EFHD2: variants seen among roughly 807,000 people sequenced by gnomAD.
EFHD2 encodes EF-hand domain family member D2, also known as EF-hand domain-containing protein D2.
In EFHD2, 12 loss-of-function variants were observed where a neutral mutation model predicts 20.3. That is an observed-to-expected ratio of 0.59 (90% CI 0.38 to 0.96). EFHD2 has a LOEUF of 0.96. Among genes scored for constraint, EFHD2 ranks in the 40% least tolerant of loss-of-function variants. The pLI, the probability that EFHD2 is intolerant of heterozygous loss-of-function variation, is 0.00. For synonymous variants in EFHD2, 131 were observed against 143.9 expected, an observed-to-expected ratio of 0.91 and a Z score of 0.64; for missense variants, 250 against 334.3, an observed-to-expected ratio of 0.75 and a Z score of 1.97.
chr1:15,424,992 G>A (rs1426356532), intron 1 of EFHD2, among the ~76,000 whole-genome samples: 3 of 152,124 alleles, frequency 2.0e-5, no homozygotes, highest in South Asian at 2.1e-4. Flanking sequence ...AACTCAGGAG[G>A]GATGCTACTA....
intron 1 of EFHD2, among the ~76,000 whole-genome samples, chr1:15,425,615 G>A (rs1426716007): frequency 6.6e-6 from 1 of 152,056 alleles, no homozygotes; most frequent in East Asian, 1.9e-4. Flanking sequence ...TTGTGCCTCA[G>A]GCTTGTCCAA....
intron 1 of EFHD2, among the ~76,000 whole-genome samples, chr1:15,421,050 C>A (rs1244552038): frequency 6.6e-6 from 1 of 152,158 alleles, no homozygotes; most frequent in African/African-American, 2.4e-5. Flanking sequence ...AGGCTCTGTG[C>A]CAAGAGTCTG....
rs1274358956 is a variant in EFHD2 at position 15,426,527 on chromosome 1, A to C, written c.456+509A>C. On this transcript the variant is annotated intron_variant, in intron 2 of 3. Coordinates refer to ENST00000375980, the MANE Select transcript of EFHD2 (RefSeq NM_024329.6). This position sits in a 1 kb window ranked among gnomAD's most constrained non-coding sequence, Gnocchi z 4.6. ...ACAGCGATGATACTGGACCCCAGGA[A>C]GTACAGGGATGGACCCCAGGAAGCA... 6.6e-6 allele frequency among the ~76,000 whole-genome samples: 1 copy of C among 152,102 alleles called. No homozygotes were observed. The highest frequency in any genetic ancestry group is 1.9e-4 in the East Asian group (1 of 5,172).
At chr1:15,412,346 T>C (rs1184966664) in intron 1 of EFHD2, among the ~76,000 whole-genome samples, 1 of 151,982 alleles carries the variant, frequency 6.6e-6, no homozygotes, top group Non-Finnish European at 1.5e-5. Context: ...GCTCACCAGG[T>C]CCCTCAAACA....
chr1:15,424,007 T>C (rs1469480205), intron 1 of EFHD2, among the ~76,000 whole-genome samples: 2 of 151,108 alleles, frequency 1.3e-5, no homozygotes. Flanking sequence ...CTGGGCAACA[T>C]ATTGACACCC....
chr1:15,426,843 G>A lies in EFHD2; in HGVS notation c.457-307G>A, dbSNP rs1353302921. On this transcript the variant is annotated intron_variant, in intron 2 of 3. Coordinates refer to ENST00000375980, the MANE Select transcript of EFHD2 (RefSeq NM_024329.6). The surrounding 1 kb of genome is among the most constrained non-coding windows in gnomAD (Gnocchi z 4.6). ...CATGGAACGCAGAGTAGGTTCACTG[G>A]GCAACAGCGGGAGACAGAGGTAAGA... 2.0e-5 allele frequency among the ~76,000 whole-genome samples: 3 copies of A among 152,186 alleles called. No homozygotes were observed. The highest frequency in any genetic ancestry group is 7.2e-5 in the African/African-American group (3 of 41,440).
At chr1:15,414,036 G>A (rs556429061) in intron 1 of EFHD2, among the ~76,000 whole-genome samples, 1 of 152,206 alleles carries the variant, frequency 6.6e-6, no homozygotes, top group Non-Finnish European at 1.5e-5. Context: ...GCCCACCCCT[G>A]GGCTGACAAC....
intron 1 of EFHD2, among the ~76,000 whole-genome samples, chr1:15,418,669 C>T (rs1358401211): frequency 6.6e-6 from 1 of 152,148 alleles, no homozygotes; most frequent in African/African-American, 2.4e-5. Flanking sequence ...AGCTTCCTGT[C>T]CTCAGAGGTA....
intron 1 of EFHD2, among the ~76,000 whole-genome samples, chr1:15,412,106 C>T (rs1464085268): frequency 2.0e-5 from 3 of 152,016 alleles, no homozygotes; most frequent in Admixed American, 1.3e-4. Context: ...AGGGCGCCCA[C>T]GTCCTTGGCT....
chr1:15,416,604 T>C (rs1707676159), intron 1 of EFHD2, among the ~76,000 whole-genome samples: 1 of 152,140 alleles, frequency 6.6e-6, no homozygotes, highest in African/African-American at 2.4e-5. Context: ...ATTTCACAGT[T>C]AAGGAGGCTG....
At chr1:15,411,172 GC>G (rs1284567514) in intron 1 of EFHD2, among the ~76,000 whole-genome samples, 1 of 146,292 alleles carries the variant, frequency 6.8e-6, no homozygotes, top group Non-Finnish European at 1.5e-5. Flanking sequence ...CTGTCGCAAG[GC>G]CCCCCATCTC....
In EFHD2 at chr1:15,428,752, C is replaced by T. The variant is rs3765372; in HGVS notation, c.*28C>T. 226,883 of 1,558,656 alleles carry T rather than the reference C, an allele frequency of 0.15. 18,361 individuals carry two copies. The highest frequency in any genetic ancestry group is 0.26 in the East Asian group (10,821 of 41,496). On this transcript the variant is annotated 3_prime_UTR_variant, in exon 4 of 4. Transcript: ENST00000375980. ...GGGGCTGCAGCCGACCGCCCTGCTC[C>T]GGCCCCAGTGTGGTGGGCGAGGGTG...
At chr1:15,411,119 A>AC (rs970100523) in intron 1 of EFHD2, among the ~76,000 whole-genome samples, 2 of 55,008 alleles carry the variant, frequency 3.6e-5, no homozygotes, top group Non-Finnish European at 7.7e-5. Context: ...TGCCCGCCCC[A>AC]CCCCCGTGCA....
At chr1:15,411,907 A>G (rs754228717) in intron 1 of EFHD2, among the ~76,000 whole-genome samples, 5 of 152,142 alleles carry the variant, frequency 3.3e-5, no homozygotes, top group Non-Finnish European at 5.9e-5. Context: ...CCTACTCACC[A>G]CAGCTTGCAG....
intron 1 of EFHD2, among the ~76,000 whole-genome samples, chr1:15,411,545 C>T (rs935771791): frequency 2.0e-5 from 3 of 152,212 alleles, no homozygotes; most frequent in African/African-American, 7.2e-5. Flanking sequence ...AGTGCCCCTC[C>T]CTTTGGTAGC....
Position 15,425,898 on chromosome 1 carries a change from C to G in EFHD2, c.336C>G (p.Ile112Met). 1 of 1,606,708 alleles carries G rather than the reference C, an allele frequency of 6.2e-7. No individual in the cohort carries two copies. Among genetic ancestry groups the G allele is most frequent in the Non-Finnish European group, 8.5e-7 (1 of 1,176,974 alleles). Residue 112 changes from isoleucine (I) to methionine (M), a missense_variant, in exon 2 of 4, where the codon ATC becomes ATG. Ile to Met is a conservative substitution (Grantham distance 10, BLOSUM62 1). Around this residue, in one of 3 missense-constraint regions of EFHD2, gnomAD observed 143 missense variants for 190.6 expected, o/e 0.75. Transcript: ENST00000375980. ...ATGATGCCGGGCGGGACGGCTTCAT[C>G]GACCTGATGGAGCTAAAACTCATGA... is the stretch of plus-strand genomic sequence containing the variant. Reference protein sequence around the residue: ...KQYDAGRDGFIDLMELKLMME... With the variant: ...KQYDAGRDGFMDLMELKLMME...
rs1388232001 is a variant in EFHD2, at chr1:15,413,623, C to T, written c.308+3344C>T. Among the ~76,000 whole-genome samples the T allele has an allele frequency of 6.6e-6, 1 of 152,160 alleles. No homozygotes were observed. The highest frequency in any genetic ancestry group is 1.5e-5 in the Non-Finnish European group (1 of 68,030). On this transcript the variant is annotated intron_variant, in intron 1 of 3. Transcript: ENST00000375980. This position sits in a 1 kb window ranked among gnomAD's most constrained non-coding sequence, Gnocchi z 4.4. ...CACACCTAGAGTCATTCAGGTTCCT[C>T]CTGAGAGAGACCTGAAGGGTTGACT...
chr1:15,427,114 C>G (rs1707883348), intron 2 of EFHD2, 36 bp from the exon 3 acceptor site: 4 of 1,603,672 alleles, frequency 2.5e-6, no homozygotes, highest in Non-Finnish European at 3.4e-6. Context: ...TCCTTCCCTC[C>G]CTTCCTGACA....
At chr1:15,414,402 A>G (rs1260143833) in intron 1 of EFHD2, among the ~76,000 whole-genome samples, 2 of 152,240 alleles carry the variant, frequency 1.3e-5, no homozygotes, top group Non-Finnish European at 2.9e-5. Flanking sequence ...GGGTTTGAAT[A>G]CAGCTGTGGG....
Sources: allele counts gnomAD v4.1 joint callset (sites outside exome capture counted in the v4.1 genomes callset), GRCh38; gene constraint gnomAD v4.1.1; regional missense constraint gnomAD v4.1.1; non-coding constraint Gnocchi (gnomAD v3.1); transcripts MANE v1.5; gene names NCBI Gene and HGNC (gene_info 2026-07-23, HGNC 2026-07-21).